SLC41A2: variants seen among roughly 807,000 people sequenced by gnomAD.
The protein encoded by SLC41A2 is SLC41A1-like 1.
SLC41A2 carries 32 observed loss-of-function variants against 58.3 expected under a neutral mutation model. The observed-to-expected ratio is 0.55, with a 90% CI of 0.41 to 0.74. The LOEUF is 0.74. Ranked by LOEUF, SLC41A2 falls within the 30% of genes least tolerant of loss-of-function variation. SLC41A2 has a pLI of 0.00. For synonymous variants in SLC41A2, 190 were observed against 235.0 expected, an observed-to-expected ratio of 0.81 and a Z score of 1.75; for missense variants, 514 against 680.6, an observed-to-expected ratio of 0.76 and a Z score of 2.72.
intron 4 of SLC41A2, 76 bp from the exon 5 acceptor site, chr12:104,889,253 T>G: frequency 7.0e-7 from 1 of 1,436,476 alleles, no homozygotes; most frequent in Admixed American, 2.4e-5. Flanking sequence ...ATGTAAATAT[T>G]ACTACAAAAA....
intron 2 of SLC41A2, among the ~76,000 whole-genome samples, chr12:104,922,052 T>C (rs111789489): frequency 7.9e-5 from 12 of 152,090 alleles, no homozygotes; most frequent in African/African-American, 2.9e-4. Flanking sequence ...AAGCAGCAAA[T>C]TGAAACATGC....
In SLC41A2 at chr12:104,917,794, G is replaced by T. The variant is rs868815846; in HGVS notation, c.556-8032C>A. 1.2e-4 allele frequency among the ~76,000 whole-genome samples: 15 copies of T among 127,122 alleles called. No individual in the cohort carries two copies. The South Asian group carries it at 1.4e-3, about 12-fold the overall frequency. 83.4% of individuals were successfully genotyped at this position (127,122 alleles called of 152,430 possible). ...AATGAGAACACATGGACACAGGAAG[G>T]GGAACATCACAATCTGGGGAATGTT... On this transcript the variant is annotated intron_variant, in intron 2 of 10. Transcript: ENST00000258538.
At chr12:104,889,528 G>C (rs1315908458) in intron 4 of SLC41A2, among the ~76,000 whole-genome samples, 1 of 152,222 alleles carries the variant, frequency 6.6e-6, no homozygotes, top group Non-Finnish European at 1.5e-5. Flanking sequence ...TCTAGAGGTA[G>C]TGCTGGCAAG....
Position 104,806,932 on chromosome 12 carries a change from C to T in SLC41A2, c.1537-1595G>A, listed in dbSNP as rs1425252436. Among the ~76,000 whole-genome samples the T allele has an allele frequency of 2.0e-5, 3 of 151,932 alleles. No individual in the cohort carries two copies. In the East Asian group the frequency reaches 5.8e-4, roughly 29 times the overall value. ...GGGTTGTTTGTTTTTTTCTTGTAAA[C>T]TTGTTTGAGTTCATTGTAAATTCTG... On this transcript the variant is annotated intron_variant, in intron 10 of 10. Coordinates refer to ENST00000258538, the MANE Select transcript of SLC41A2 (RefSeq NM_001352171.3).
chr12:104,889,454 G>C (rs1319249894), intron 4 of SLC41A2, among the ~76,000 whole-genome samples: 1 of 152,044 alleles, frequency 6.6e-6, no homozygotes, highest in African/African-American at 2.4e-5. Context: ...ATAACTAATA[G>C]ATCACCTAAG....
At position 104,895,357 on chromosome 12, in the gene SLC41A2, G is replaced by A. The variant is rs373443691; in HGVS notation, c.664-12C>T. On this transcript the variant is annotated splice_polypyrimidine_tract_variant and intron_variant, in intron 3 of 10. Coordinates refer to ENST00000258538, the MANE Select transcript of SLC41A2 (RefSeq NM_001352171.3). ...TTCCCAATATTTACCTGTTAAAGTG[G>A]ATATTTTCATGTATCACTGAAGAAA... 7 of 1,599,098 alleles carry A rather than the reference G, an allele frequency of 4.4e-6. No homozygotes were observed. In the African/African-American group the frequency reaches 5.4e-5, roughly 12 times the overall value.
chr12:104,842,347 G>A (rs914745471), intron 10 of SLC41A2, among the ~76,000 whole-genome samples: 2 of 151,816 alleles, frequency 1.3e-5, no homozygotes, highest in African/African-American at 4.8e-5. Flanking sequence ...CAAATGCAAA[G>A]GTCTACTCTG....
At chr12:104,853,903 C>G (rs548619868) in intron 8 of SLC41A2, among the ~76,000 whole-genome samples, 1 of 75,004 alleles carries the variant, frequency 1.3e-5, no homozygotes. Context: ...TGTCACCATG[C>G]CTGGCTGATT....
At chr12:104,838,767 C>T (rs2042299524) in intron 10 of SLC41A2, among the ~76,000 whole-genome samples, 1 of 152,084 alleles carries the variant, frequency 6.6e-6, no homozygotes, top group African/African-American at 2.4e-5. Context: ...GGAAGTAAGT[C>T]TTGGGTTCTT....
At chr12:104,906,557 T>C (rs1052507858) in intron 3 of SLC41A2, among the ~76,000 whole-genome samples, 4 of 152,140 alleles carry the variant, frequency 2.6e-5, no homozygotes, top group Non-Finnish European at 4.4e-5. Flanking sequence ...CTAAATCTGA[T>C]CTTGGACTTC....
At chr12:104,869,346 C>T (rs1440221735) in intron 6 of SLC41A2, among the ~76,000 whole-genome samples, 1 of 152,128 alleles carries the variant, frequency 6.6e-6, no homozygotes, top group African/African-American at 2.4e-5. Flanking sequence ...AGGAGGACTA[C>T]ATTCTTCAAA....
At position 104,929,201 on chromosome 12, in the gene SLC41A2, T is replaced by C. The variant is rs572006491; in HGVS notation, c.-167-507A>G. ...TTAAGATATGAAGAGACAAGGATGA[T>C]GTTTACTATAAAAACACTTGGTAGG... On this transcript the variant is annotated intron_variant, in intron 1 of 10. Coordinates refer to ENST00000258538, the MANE Select transcript of SLC41A2 (RefSeq NM_001352171.3). 5.3e-5 allele frequency among the ~76,000 whole-genome samples: 8 copies of C among 152,344 alleles called. No homozygotes were observed. The East Asian group carries it at 1.3e-3, about 26-fold the overall frequency.
intron 10 of SLC41A2, among the ~76,000 whole-genome samples, chr12:104,830,077 A>G (rs373385857): frequency 2.8e-4 from 42 of 152,312 alleles, no homozygotes; most frequent in Middle Eastern, 6.8e-3. Context: ...GTCACTTCCC[A>G]TTACCAAATA....
At position 104,845,989 on chromosome 12, in the gene SLC41A2, A is replaced by G; in HGVS notation, c.1256-15T>C. On this transcript the variant is annotated splice_polypyrimidine_tract_variant and intron_variant, in intron 8 of 10. Transcript: ENST00000258538. ...ACCACCAATACCTGAAACACAAGGA[A>G]AAACAAAGTAGCAATCCTCATATTT... 1 of 1,609,692 alleles carries G rather than the reference A, an allele frequency of 6.2e-7. No homozygotes were observed. The highest frequency in any genetic ancestry group is 8.5e-7 in the Non-Finnish European group (1 of 1,177,718).
In SLC41A2 at chr12:104,905,320, C is replaced by T. The variant is rs370918276; in HGVS notation, c.663+4335G>A. ...ACGTCCTCACCAGAGCAGCTAGATA[C>T]GGAGTGTCGATTGGTGCACTCCCAA... On this transcript the variant is annotated intron_variant, in intron 3 of 10. Transcript: ENST00000258538. Among the ~76,000 whole-genome samples, 238 of 152,242 alleles carry T rather than the reference C, an allele frequency of 1.6e-3. 3 individuals carry two copies. In the East Asian group the frequency reaches 0.034, roughly 22 times the overall value.
At chr12:104,868,095 C>T (rs192852853) in intron 6 of SLC41A2, among the ~76,000 whole-genome samples, 51 of 151,898 alleles carry the variant, frequency 3.4e-4, no homozygotes, top group Admixed American at 5.9e-4. Flanking sequence ...ATGACTAATG[C>T]TACATTGTGT....
At chr12:104,912,204 G>A (rs1449258976) in intron 2 of SLC41A2, among the ~76,000 whole-genome samples, 1 of 152,066 alleles carries the variant, frequency 6.6e-6, no homozygotes, top group East Asian at 1.9e-4. Flanking sequence ...CTGTTTCCTG[G>A]CATACATCTA....
Position 104,874,640 on chromosome 12 carries a change from C to T in SLC41A2, c.1028-8061G>A, listed in dbSNP as rs1481092009. Among the ~76,000 whole-genome samples the T allele has an allele frequency of 3.3e-5, 5 of 152,212 alleles. No individual in the cohort carries two copies. The East Asian group carries it at 7.7e-4, about 24-fold the overall frequency. ...CTTTCCCAATTGTGTCTTCTTGGTG[C>T]CCTTGTTAAAAATTATTTGACTGTA... On this transcript the variant is annotated intron_variant, in intron 6 of 10. Transcript: ENST00000258538.
chr12:104,900,639 A>C (rs1344602758), intron 3 of SLC41A2, among the ~76,000 whole-genome samples: 1 of 152,198 alleles, frequency 6.6e-6, no homozygotes, highest in Non-Finnish European at 1.5e-5. Context: ...CTAGGGACTG[A>C]TGTTTATAAC....
Sources: allele counts gnomAD v4.1 joint callset (sites outside exome capture counted in the v4.1 genomes callset), GRCh38; gene constraint gnomAD v4.1.1; transcripts MANE v1.5; gene names NCBI Gene and HGNC (gene_info 2026-07-23, HGNC 2026-07-21).